The following SEMA3F variants were observed in gnomAD, a reference collection of about 807,000 sequenced individuals.
SEMA3F encodes the protein semaphorin-3F.
In SEMA3F, 30 loss-of-function variants were observed where a neutral mutation model predicts 98.5. That is an observed-to-expected ratio of 0.30 (90% CI 0.23 to 0.41). SEMA3F has a LOEUF of 0.41. SEMA3F is among the 10% of genes least tolerant of loss of function. SEMA3F has a pLI of 1.00. For synonymous variants in SEMA3F, 380 were observed against 444.8 expected, an observed-to-expected ratio of 0.85 and a Z score of 1.83; for missense variants, 866 against 1,119.3, an observed-to-expected ratio of 0.77 and a Z score of 3.23.
At chr3:50,187,665 G>A in intron 18 of SEMA3F, 40 bp from the exon 19 acceptor site, 2 of 1,531,044 alleles carry the variant, frequency 1.3e-6, no homozygotes, top group Non-Finnish European at 1.8e-6. Flanking sequence ...GCCATAGGGT[G>A]GTCACAGAGC....
At position 50,188,071 on chromosome 3, in the gene SEMA3F, C is replaced by A. The variant is rs1479073339; in HGVS notation, c.2314C>A (p.Gln772Lys). 1 of 1,561,860 alleles carries A rather than the reference C, an allele frequency of 6.4e-7. No homozygotes were observed. Among genetic ancestry groups the A allele is most frequent in the Non-Finnish European group, 8.7e-7 (1 of 1,152,670 alleles). ...GAPRSPEPQD[Q>K]KKPRNRRHHP... is the part of the protein sequence containing the mutation. ...ACCCCGGTCTCCTGAGCCCCAGGAC[C>A]AGAAAAAGCCCCGGAACCGCCGGCA... Residue 772 changes from glutamine to lysine, a missense_variant, in exon 19 of 19, where the codon CAG becomes AAG. By Grantham distance (53) the Gln-to-Lys change is moderately conservative. This residue lies in a region of SEMA3F where 245 missense variants were observed against 260.5 expected (regional missense o/e 0.94). Coordinates refer to ENST00000002829, the MANE Select transcript of SEMA3F (RefSeq NM_004186.5). This position sits in a 1 kb window ranked among gnomAD's most constrained non-coding sequence, Gnocchi z 4.5.
In SEMA3F at chr3:50,166,698, A is replaced by G. The variant is rs1190899453; in HGVS notation, c.112+6964A>G. Among the ~76,000 whole-genome samples, 1 of 152,206 alleles carries G rather than the reference A, an allele frequency of 6.6e-6. No individual in the cohort carries two copies. Among genetic ancestry groups the G allele is most frequent in the Non-Finnish European group, 1.5e-5 (1 of 68,008 alleles). On this transcript the variant is annotated intron_variant, in intron 2 of 18. Coordinates refer to ENST00000002829, the MANE Select transcript of SEMA3F (RefSeq NM_004186.5). The surrounding 1 kb of genome is among the most constrained non-coding windows in gnomAD (Gnocchi z 4.7). ...CTGCAGGGACCGCAGGAATCCGAGG[A>G]AGGCCGCAGAGATGGGGGCTGGGCC...
intron 2 of SEMA3F, among the ~76,000 whole-genome samples, chr3:50,172,806 T>C (rs1698663894): frequency 6.6e-6 from 1 of 152,124 alleles, no homozygotes; most frequent in Admixed American, 6.5e-5. Context: ...CTCTGCCTGG[T>C]GGGCAGCCAG....
At chr3:50,181,461 A>G (rs1425221327) in intron 7 of SEMA3F, among the ~76,000 whole-genome samples, 1 of 151,656 alleles carries the variant, frequency 6.6e-6, no homozygotes, top group African/African-American at 2.4e-5. Context: ...AGCTGGGACT[A>G]CATGCGTGCA....
intron 7 of SEMA3F, among the ~76,000 whole-genome samples, chr3:50,181,828 C>G (rs1219374979): frequency 2.6e-5 from 4 of 152,020 alleles, no homozygotes; most frequent in Non-Finnish European, 4.4e-5. Flanking sequence ...CCATCTTGGC[C>G]AGGCTGGCTT....
At chr3:50,178,531 G>C (rs900275932) in intron 7 of SEMA3F, among the ~76,000 whole-genome samples, 14 of 151,774 alleles carry the variant, frequency 9.2e-5, no homozygotes, top group Non-Finnish European at 1.8e-4. Flanking sequence ...GACCAGGCTG[G>C]CCAACATGGG....
At chr3:50,183,683 C>A in intron 12 of SEMA3F, 119 bp downstream of exon 12, 2 of 1,057,278 alleles carry the variant, frequency 1.9e-6, no homozygotes, top group Non-Finnish European at 2.8e-6. Context: ...AGGCGGTGAG[C>A]TGTAATGCAC....
intron 2 of SEMA3F, among the ~76,000 whole-genome samples, chr3:50,170,637 A>C (rs1559725436): frequency 6.6e-6 from 1 of 152,098 alleles, no homozygotes; most frequent in African/African-American, 2.4e-5. Context: ...CAGTACCAGG[A>C]GGGCCTGAGA....
chr3:50,168,683 C>T (rs1240384184), intron 2 of SEMA3F, among the ~76,000 whole-genome samples: 1 of 152,168 alleles, frequency 6.6e-6, no homozygotes, highest in Non-Finnish European at 1.5e-5. Context: ...CCCAGGCCTT[C>T]CTCTGGGGCT....
chr3:50,180,833 G>A (rs977462720), intron 7 of SEMA3F, among the ~76,000 whole-genome samples: 11 of 152,108 alleles, frequency 7.2e-5, no homozygotes, highest in Non-Finnish European at 1.3e-4. Context: ...TTGGGAGGCC[G>A]AGGCAGGTGG....
chr3:50,187,240 A>G (rs1699251381), intron 18 of SEMA3F, among the ~76,000 whole-genome samples: 1 of 152,138 alleles, frequency 6.6e-6, no homozygotes, highest in South Asian at 2.1e-4. Context: ...CAGCCTGGGC[A>G]ACATGGTGAA....
chr3:50,155,139 A>G, upstream of SEMA3F: 1 of 392,208 alleles, frequency 2.5e-6, no homozygotes, highest in Non-Finnish European at 4.7e-6. The surrounding 1 kb of genome is among the most constrained non-coding windows in gnomAD (Gnocchi z 4.9). Context: ...AGCGCAGCGC[A>G]GGACCTGGGT....
intron 2 of SEMA3F, among the ~76,000 whole-genome samples, chr3:50,162,047 TC>T (rs896037211): frequency 4.6e-5 from 7 of 152,214 alleles, no homozygotes; most frequent in African/African-American, 1.7e-4. Flanking sequence ...CATAGTTTTT[TC>T]ATCTGTGCCT....
In SEMA3F at chr3:50,166,084, T is replaced by C. The variant is rs1483602363; in HGVS notation, c.112+6350T>C. On this transcript the variant is annotated intron_variant, in intron 2 of 18. Coordinates refer to ENST00000002829, the MANE Select transcript of SEMA3F (RefSeq NM_004186.5). The surrounding 1 kb of genome is among the most constrained non-coding windows in gnomAD (Gnocchi z 4.7). ...GGAAGCCTCAGCTCCGGATCCCCCT[T>C]CCCCCACTCTTCTTCCTTCCTTCCT... 6.6e-6 allele frequency among the ~76,000 whole-genome samples: 1 copy of C among 151,612 alleles called. No individual in the cohort carries two copies. The highest frequency in any genetic ancestry group is 2.4e-5 in the African/African-American group (1 of 41,220).
At chr3:50,178,196 C>T (rs945328964) in intron 7 of SEMA3F, among the ~76,000 whole-genome samples, 9 of 151,558 alleles carry the variant, frequency 5.9e-5, no homozygotes, top group East Asian at 3.9e-4. Flanking sequence ...GAGCTGAGAT[C>T]GTGCCACTGC....
In SEMA3F at chr3:50,183,167, C is replaced by T. The variant is rs747855394; in HGVS notation, c.1019-19C>T. 5 of 1,613,294 alleles carry T rather than the reference C, an allele frequency of 3.1e-6. No individual in the cohort carries two copies. In the African/African-American group the frequency reaches 4.0e-5, roughly 13 times the overall value. On this transcript the variant is annotated intron_variant, in intron 10 of 18. Transcript: ENST00000002829. ...TCCCGCCCATGGCACCCTCCAACAC[C>T]TTCTCCCTCTGTCCCCAGAGGACGT...
At position 50,182,232 on chromosome 3, in the gene SEMA3F, C is replaced by T; in HGVS notation, c.644-52C>T. ...GCCCTGGAAGTCATCTGAGCTGTGC[C>T]CTGGCCCTAGCAAACAGCAGCCCCC... On this transcript the variant is annotated intron_variant, in intron 7 of 18. Coordinates refer to ENST00000002829, the MANE Select transcript of SEMA3F (RefSeq NM_004186.5). The surrounding 1 kb of genome is among the most constrained non-coding windows in gnomAD (Gnocchi z 4.5). 6.2e-7 allele frequency: 1 copy of T among 1,613,410 alleles called. No individual in the cohort carries two copies.
intron 2 of SEMA3F, among the ~76,000 whole-genome samples, chr3:50,160,362 T>C (rs1274199360): frequency 5.3e-5 from 8 of 152,124 alleles, no homozygotes; most frequent in Admixed American, 5.2e-4. Context: ...GTGAGCACTT[T>C]GATGAGAAGT....
intron 18 of SEMA3F, among the ~76,000 whole-genome samples, chr3:50,187,422 C>CAA (rs901489365): frequency 2.5e-3 from 146 of 58,272 alleles, no homozygotes; most frequent in East Asian, 0.013. Context: ...GACCTTGTCT[C>CAA]AAAAAAAAAA....
Sources: allele counts gnomAD v4.1 joint callset (sites outside exome capture counted in the v4.1 genomes callset), GRCh38; gene constraint gnomAD v4.1.1; regional missense constraint gnomAD v4.1.1; non-coding constraint Gnocchi (gnomAD v3.1); transcripts MANE v1.5; gene names NCBI Gene and HGNC (gene_info 2026-07-23, HGNC 2026-07-21).